Variants in SIM2 observed in about 807,000 individuals in gnomAD.
The protein encoded by SIM2 is SIM bHLH transcription factor 2.
In SIM2, 28 loss-of-function variants were observed where a neutral mutation model predicts 64.8. The ratio of observed to expected loss-of-function variants is 0.43; its 90% CI spans 0.32 to 0.59. The LOEUF is 0.59. Among genes scored for constraint, SIM2 ranks in the 20% least tolerant of loss-of-function variants. SIM2 has a pLI of 0.07. For synonymous variants in SIM2, 408 were observed against 391.1 expected (o/e 1.04, Z -0.51); for missense variants, 847 against 871.4 (o/e 0.97, Z 0.35).
At chr21:36,734,493 T>C (rs1032474520) in intron 7 of SIM2, among the ~76,000 whole-genome samples, 25 of 152,164 alleles carry the variant, frequency 1.6e-4, no homozygotes, top group Non-Finnish European at 2.2e-4. Context: ...TTAGCTGTGC[T>C]AGAGAAACAA....
chr21:36,714,319 T>C (rs1453250084), intron 3 of SIM2, among the ~76,000 whole-genome samples: 3 of 152,192 alleles, frequency 2.0e-5, no homozygotes, highest in Non-Finnish European at 2.9e-5. Flanking sequence ...TGATCAAAAA[T>C]CTTTTAAAAT....
chr21:36,733,367 G>A (rs950295199), intron 7 of SIM2, among the ~76,000 whole-genome samples: 1 of 151,958 alleles, frequency 6.6e-6, no homozygotes, highest in Non-Finnish European at 1.5e-5. Context: ...TGGGATTACA[G>A]GTGCCCACCA....
intron 2 of SIM2, chr21:36,709,720 G>T (rs2088648523): frequency 1.2e-5 from 4 of 320,542 alleles, no homozygotes; most frequent in Non-Finnish European, 2.4e-5. Context: ...ATTAACAGGA[G>T]CACTTGTCCA....
At chr21:36,712,473 G>A (rs2835443) in intron 2 of SIM2, 60 bp from the exon 3 acceptor site, 98,883 of 1,158,676 alleles carry the variant, frequency 0.085, 4,726 homozygotes, top group African/African-American at 0.14. Context: ...CTGTACCATT[G>A]TTAGATTTAA....
In SIM2 at chr21:36,745,018, CGGT is replaced by C. The variant is rs2089211978; in HGVS notation, c.1460_1462del (p.Gly487del). 2 of 1,614,086 alleles carry C rather than the reference CGGT, an allele frequency of 1.2e-6. No homozygotes were observed. Among genetic ancestry groups the C allele is most frequent in the South Asian group, 2.2e-5 (2 of 91,090 alleles). On this transcript the variant is annotated inframe_deletion, in exon 10 of 11. Coordinates refer to ENST00000290399, the MANE Select transcript of SIM2 (RefSeq NM_005069.6). The surrounding 1 kb of genome is among the most constrained non-coding windows in gnomAD (Gnocchi z 4.8). ...TTTTCCTGAGCACACTGCCAGCCAG[CGGT>C]GAATGCCAGTGGCATTATGCCAACC...
At chr21:36,720,035 C>A in intron 4 of SIM2, 106 bp downstream of exon 4, 1 of 779,628 alleles carries the variant, frequency 1.3e-6, no homozygotes, top group Non-Finnish European at 2.2e-6. Flanking sequence ...CTGGGCATGA[C>A]TAGGACTGCC....
rs188020195 is a variant in SIM2, at chr21:36,732,281, G to C, written c.850+1130G>C. Among the ~76,000 whole-genome samples, 51 of 152,344 alleles carry C rather than the reference G, an allele frequency of 3.3e-4. No homozygotes were observed. In the East Asian group the frequency reaches 9.1e-3, roughly 27 times the overall value. ...AGCCCTGCCACGCCCATGGCCAGTC[G>C]GGGGTGCTTTATAATGGGGTGCAGA... On this transcript the variant is annotated intron_variant, in intron 7 of 10. Transcript: ENST00000290399.
In SIM2 at chr21:36,745,796, C is replaced by A; in HGVS notation, c.1576+660C>A. On this transcript the variant is annotated intron_variant, in intron 10 of 10. Coordinates refer to ENST00000290399, the MANE Select transcript of SIM2 (RefSeq NM_005069.6). This position sits in a 1 kb window ranked among gnomAD's most constrained non-coding sequence, Gnocchi z 4.8. ...CCTTTCACCTTCTCCTGGTGGCAGG[C>A]AAGCAGATGTCCTCTGCGGAGATAC... 1 of 1,303,624 alleles carries A rather than the reference C, an allele frequency of 7.7e-7. No homozygotes were observed. 80.8% of individuals were successfully genotyped at this position (1,303,624 alleles called of 1,614,324 possible).
In SIM2 at chr21:36,748,139, T is replaced by G; in HGVS notation, c.*47T>G. ...GAGCCTGGACCCGGCCTCCCGGGGCTGCGGCGCCACCGAGCCCGGCAAATG... is the reference window on the plus strand; with the variant it reads ...GAGCCTGGACCCGGCCTCCCGGGGCGGCGGCGCCACCGAGCCCGGCAAATG... On this transcript the variant is annotated 3_prime_UTR_variant, in exon 11 of 11. Transcript: ENST00000290399. 9.2e-7 allele frequency: 1 copy of G among 1,083,718 alleles called. No individual in the cohort carries two copies. The highest frequency in any genetic ancestry group is 1.1e-6 in the Non-Finnish European group (1 of 874,686). The allele number at this position is 1,083,718 out of a possible 1,614,324, so 67.1% of individuals were successfully genotyped here.
At chr21:36,709,318 C>T (rs1272999977) in intron 2 of SIM2, 68 bp downstream of exon 2, 2 of 1,301,306 alleles carry the variant, frequency 1.5e-6, no homozygotes, top group South Asian at 2.6e-5. Flanking sequence ...CCACCCCAGC[C>T]TCCAGGCGTC....
At chr21:36,733,726 A>T (rs2089005341) in intron 7 of SIM2, among the ~76,000 whole-genome samples, 1 of 151,686 alleles carries the variant, frequency 6.6e-6, no homozygotes, top group Admixed American at 6.6e-5. Context: ...AGCCTGGCTA[A>T]TTTTTTTTGT....
At chr21:36,743,269 A>G in intron 8 of SIM2, 118 bp from the exon 9 acceptor site, 1 of 857,230 alleles carries the variant, frequency 1.2e-6, no homozygotes, top group Middle Eastern at 3.7e-4. Context: ...TCCACATCCA[A>G]TCCCAGTGAA....
Position 36,726,950 on chromosome 21 carries a change from C to T in SIM2, c.743+632C>T, listed in dbSNP as rs1365595341. Among the ~76,000 whole-genome samples the T allele has an allele frequency of 1.3e-5, 2 of 152,218 alleles. No individual in the cohort carries two copies. Among genetic ancestry groups the T allele is most frequent in the Non-Finnish European group, 2.9e-5 (2 of 68,046 alleles). On this transcript the variant is annotated intron_variant, in intron 6 of 10. Transcript: ENST00000290399. This position sits in a 1 kb window ranked among gnomAD's most constrained non-coding sequence, Gnocchi z 4.5. ...GACCCGTGCTGGAGTGGCCTTCACTCTCCCCTAGAACCGGCTGCAGTCCCA... is the reference window on the plus strand; with the variant it reads ...GACCCGTGCTGGAGTGGCCTTCACTTTCCCCTAGAACCGGCTGCAGTCCCA...
chr21:36,748,020 C>T lies in SIM2; in HGVS notation c.1932C>T (p.Ala644=). Residue 644 remains alanine, a synonymous_variant, in exon 11 of 11, where the codon GCC becomes GCT. Coordinates refer to ENST00000290399, the MANE Select transcript of SIM2 (RefSeq NM_005069.6). ...GALRLRHPSP[A]ATSPPGAPLP... is the part of the protein sequence containing the mutation. ...TGCGGCTCCGGCACCCGAGCCCCGC[C>T]GCCACCTCCCCGCCCGGCGCGCCCC... 2 of 1,169,232 alleles carry T rather than the reference C, an allele frequency of 1.7e-6. No individual in the cohort carries two copies. The highest frequency in any genetic ancestry group is 3.8e-5 in the East Asian group (1 of 26,316). 72.4% of individuals were successfully genotyped at this position (1,169,232 alleles called of 1,614,324 possible).
intron 9 of SIM2, 33 bp from the exon 10 acceptor site, chr21:36,744,695 G>C: frequency 1.3e-6 from 2 of 1,535,122 alleles, no homozygotes. Context: ...CCGGCCCCTC[G>C]CTGGCCCTTC....
chr21:36,708,893 C>T (rs1293943319), intron 1 of SIM2, among the ~76,000 whole-genome samples: 2 of 152,222 alleles, frequency 1.3e-5, no homozygotes, highest in Non-Finnish European at 2.9e-5. Context: ...AGCACGTGGG[C>T]GACCCGCGGG....
chr21:36,738,358 A>G (rs2089103696), intron 7 of SIM2, among the ~76,000 whole-genome samples: 1 of 152,158 alleles, frequency 6.6e-6, no homozygotes. Context: ...ACAAAAAATT[A>G]GCCGGGTGTG....
chr21:36,716,873 T>TG lies in SIM2; in HGVS notation c.349-2948_349-2947insG, dbSNP rs200538777. ...GCGACAACCATAATTTTTTTTTTTT[T>TG]TGTGAGGTAGTCACATTTCTCTCAG... On this transcript the variant is annotated intron_variant, in intron 3 of 10. Coordinates refer to ENST00000290399, the MANE Select transcript of SIM2 (RefSeq NM_005069.6). Among the ~76,000 whole-genome samples, 338 of 144,998 alleles carry TG rather than the reference T, an allele frequency of 2.3e-3. 3 individuals are homozygous for TG. The highest frequency in any genetic ancestry group is 0.022 in the Admixed American group (317 of 14,468).
Position 36,723,037 on chromosome 21 carries a change from G to A in SIM2, c.458-8G>A. 1 of 1,613,162 alleles carries A rather than the reference G, an allele frequency of 6.2e-7. No homozygotes were observed. Among genetic ancestry groups the A allele is most frequent in the South Asian group, 1.1e-5 (1 of 91,050 alleles). ...CAGCTGCCAACCTCATCTTGCTCCT[G>A]CTTGCAGAGTATGAGATAGAGAGGT... On this transcript the variant is annotated splice_region_variant and splice_polypyrimidine_tract_variant and intron_variant, in intron 4 of 10. Coordinates refer to ENST00000290399, the MANE Select transcript of SIM2 (RefSeq NM_005069.6).
Sources: gnomAD v4.1 joint callset for allele counts (sites outside exome capture counted in the v4.1 genomes callset) on GRCh38, gnomAD v4.1.1 for gene constraint, Gnocchi (gnomAD v3.1) non-coding constraint, MANE v1.5 for transcripts, NCBI Gene and HGNC (gene_info 2026-07-23, HGNC 2026-07-21) for gene names.